GRM3: variants seen among roughly 807,000 people sequenced by gnomAD.
GRM3 encodes glutamate metabotropic receptor 3.
Under a neutral mutation model 70.5 loss-of-function variants are expected in GRM3, and 26 were observed. The ratio of observed to expected loss-of-function variants is 0.37; its 90% CI spans 0.27 to 0.51. The LOEUF (loss-of-function observed/expected upper bound fraction) is 0.51, where lower values mean the gene tolerates loss of function less well. Among genes scored for constraint, GRM3 ranks in the 20% least tolerant of loss-of-function variants. GRM3 has a pLI of 0.93. For synonymous variants in GRM3, 443 were observed against 434.9 expected (o/e 1.02, Z -0.23); for missense variants, 859 against 1,123.8 (o/e 0.76, Z 3.37).
intron 1 of GRM3, among the ~76,000 whole-genome samples, chr7:86,665,674 A>T (rs1037622841): frequency 6.6e-6 from 1 of 152,060 alleles, no homozygotes; most frequent in African/African-American, 2.4e-5. Context: ...CATATGTTAT[A>T]CTTCTTCTGT....
At chr7:86,687,667 A>G (rs543407972) in intron 1 of GRM3, among the ~76,000 whole-genome samples, 78 of 152,072 alleles carry the variant, frequency 5.1e-4, no homozygotes, top group African/African-American at 1.9e-3. Context: ...GACATATAGA[A>G]CTTTAGGAAA....
At position 86,770,253 on chromosome 7, in the gene GRM3, G is replaced by A. The variant is rs563173333; in HGVS notation, c.468+4640G>A. Among the ~76,000 whole-genome samples, 10 of 152,164 alleles carry A rather than the reference G, an allele frequency of 6.6e-5. No individual in the cohort carries two copies. The East Asian group carries it at 9.6e-4, about 15-fold the overall frequency. On this transcript the variant is annotated intron_variant, in intron 2 of 5. Transcript: ENST00000361669. ...TTGTTTTGTCCCTGAGTGTTAAAGCGACTTCAGGAACAAATGAAGATTTGG... is the reference window on the plus strand; with the variant it reads ...TTGTTTTGTCCCTGAGTGTTAAAGCAACTTCAGGAACAAATGAAGATTTGG...
chr7:86,749,401 G>A (rs1796179491), intron 1 of GRM3, among the ~76,000 whole-genome samples: 1 of 152,080 alleles, frequency 6.6e-6, no homozygotes. Context: ...AGGAATTGCA[G>A]TTCAGGGCTT....
At position 86,724,766 on chromosome 7, in the gene GRM3, T is replaced by G. The variant is rs137932712; in HGVS notation, c.-140-40240T>G. Among the ~76,000 whole-genome samples the G allele has an allele frequency of 2.5e-3, 353 of 141,980 alleles. 3 individuals carry two copies. Among genetic ancestry groups the G allele is most frequent in the African/African-American group, 9.6e-3 (339 of 35,178 alleles). The allele number at this position is 141,980 out of a possible 152,430, so 93.1% of individuals were successfully genotyped here. ...ACACTCTTGAGTGGGGAGGGTTAGA[T>G]TATTTGCAAAAGCCTATTCAGTTTA... On this transcript the variant is annotated intron_variant, in intron 1 of 5. Coordinates refer to ENST00000361669, the MANE Select transcript of GRM3 (RefSeq NM_000840.3).
chr7:86,802,515 A>G (rs1797704991), intron 3 of GRM3, among the ~76,000 whole-genome samples: 2 of 151,142 alleles, frequency 1.3e-5, no homozygotes, highest in South Asian at 2.1e-4. Context: ...TACATACTTC[A>G]CTCCTTCCTC....
chr7:86,777,302 G>A (rs1473435403), intron 2 of GRM3, among the ~76,000 whole-genome samples: 1 of 152,128 alleles, frequency 6.6e-6, no homozygotes, highest in Non-Finnish European at 1.5e-5. Context: ...TGACAATCCT[G>A]GTTACAAACT....
At chr7:86,649,170 G>A (rs1241675453) in intron 1 of GRM3, among the ~76,000 whole-genome samples, 2 of 152,120 alleles carry the variant, frequency 1.3e-5, no homozygotes, top group Non-Finnish European at 2.9e-5. Context: ...CCCTCCTGAG[G>A]TCCCAAAGTA....
chr7:86,740,481 C>T (rs1029018514), intron 1 of GRM3, among the ~76,000 whole-genome samples: 1 of 152,058 alleles, frequency 6.6e-6, no homozygotes, highest in Non-Finnish European at 1.5e-5. Flanking sequence ...TTTCAAAGAG[C>T]AAGTCTGGCT....
chr7:86,667,033 C>A (rs964610396), intron 1 of GRM3, among the ~76,000 whole-genome samples: 1 of 152,100 alleles, frequency 6.6e-6, no homozygotes, highest in Non-Finnish European at 1.5e-5. Flanking sequence ...AGTTTGATCT[C>A]ATTTTCAAGC....
chr7:86,849,385 G>C (rs1798716342), intron 4 of GRM3, among the ~76,000 whole-genome samples: 1 of 152,078 alleles, frequency 6.6e-6, no homozygotes, highest in African/African-American at 2.4e-5. Context: ...AGGATTCAAA[G>C]TAAGCAAGGC....
Position 86,735,485 on chromosome 7 carries a change from C to T in GRM3, c.-140-29521C>T, listed in dbSNP as rs535521855. Among the ~76,000 whole-genome samples the T allele has an allele frequency of 5.9e-5, 9 of 152,270 alleles. No homozygotes were observed. The South Asian group carries it at 1.9e-3, about 32-fold the overall frequency. ...TCTTATCTCCATTGTTAAATATTTG[C>T]TAATATGCATGCAAACAGTTACAAC... On this transcript the variant is annotated intron_variant, in intron 1 of 5. Coordinates refer to ENST00000361669, the MANE Select transcript of GRM3 (RefSeq NM_000840.3).
At chr7:86,784,582 C>T (rs990518934) in intron 2 of GRM3, 4 of 152,194 alleles carry the variant, frequency 2.6e-5, no homozygotes, top group Non-Finnish European at 4.4e-5. Flanking sequence ...CCTGCCATTT[C>T]AGTCAGGCTG....
At chr7:86,718,812 G>GA (rs774408382) in intron 1 of GRM3, among the ~76,000 whole-genome samples, 1 of 151,830 alleles carries the variant, frequency 6.6e-6, no homozygotes. Flanking sequence ...AAACATTACT[G>GA]AAAAAAACTT....
At chr7:86,766,293 T>G (rs1796599140) in intron 2 of GRM3, among the ~76,000 whole-genome samples, 1 of 151,982 alleles carries the variant, frequency 6.6e-6, no homozygotes, top group African/African-American at 2.4e-5. Context: ...TACTAAAGCA[T>G]TTTTTTGTTC....
intron 3 of GRM3, among the ~76,000 whole-genome samples, chr7:86,798,892 C>T (rs7804907): frequency 0.39 from 58,554 of 151,954 alleles, 13,375 homozygotes; most frequent in African/African-American, 0.65. Flanking sequence ...CCTGACACCA[C>T]GTTTATGTGA....
At chr7:86,645,233 G>A (rs908606591) in intron 1 of GRM3, among the ~76,000 whole-genome samples, 9 of 152,094 alleles carry the variant, frequency 5.9e-5, no homozygotes, top group African/African-American at 1.9e-4. Flanking sequence ...TCTATTTGGG[G>A]GCTCCCTAAG....
intron 3 of GRM3, among the ~76,000 whole-genome samples, chr7:86,806,873 T>C (rs866039909): frequency 6.6e-6 from 1 of 151,728 alleles, no homozygotes; most frequent in Non-Finnish European, 1.5e-5. Flanking sequence ...GTTTTTATGG[T>C]TTTAGGTCTA....
intron 3 of GRM3, among the ~76,000 whole-genome samples, chr7:86,787,556 CAGAGAG>C (rs71117519): frequency 4.3e-4 from 65 of 150,020 alleles, no homozygotes; most frequent in African/African-American, 1.4e-3. Flanking sequence ...CAGTGGGTGA[CAGAGAG>C]AGAGAGAGAG....
chr7:86,797,951 A>G (rs940121390), intron 3 of GRM3, among the ~76,000 whole-genome samples: 2 of 152,228 alleles, frequency 1.3e-5, no homozygotes, highest in African/African-American at 4.8e-5. Context: ...CACAGGGTGC[A>G]AGCCCCAAGC....
Sources: gnomAD v4.1 joint callset for allele counts (sites outside exome capture counted in the v4.1 genomes callset) on GRCh38, gnomAD v4.1.1 for gene constraint, MANE v1.5 for transcripts, NCBI Gene and HGNC (gene_info 2026-07-23, HGNC 2026-07-21) for gene names.